RPTN: variants seen among roughly 807,000 people sequenced by gnomAD.
The protein encoded by RPTN is repetin, also known as intermediate filament-associated protein.
A neutral mutation model predicts 3.6 loss-of-function variants in RPTN; 4 were observed. The ratio of observed to expected loss-of-function variants is 1.12; its 90% CI spans 0.55 to 2.55. RPTN has a LOEUF of 2.55. Among genes scored for constraint, RPTN ranks in the 30% most tolerant of loss-of-function variants. The probability of loss-of-function intolerance (pLI) is 0.02; values close to 1 mark genes in which losing one functional copy is unlikely to be tolerated. For synonymous variants in RPTN, 293 were observed against 319.3 expected (o/e 0.92, Z 0.88); for missense variants, 860 against 916.7 (o/e 0.94, Z 0.80).
In RPTN at chr1:152,156,050, C is replaced by A. The variant is rs1489308575; in HGVS notation, c.1049G>T (p.Gly350Val). 6.2e-7 allele frequency: 1 copy of A among 1,612,580 alleles called. No individual in the cohort carries two copies. The highest frequency in any genetic ancestry group is 1.7e-5 in the Admixed American group (1 of 59,862). Residue 350 changes from glycine (G) to valine (V), a missense_variant, in exon 3 of 3, where the codon GGC (glycine) becomes GTC (valine). Transcript: ENST00000316073. ...TGTCTGATCATAATGATAACACTGG[C>A]CTTTTCTGTCCATTTGACCATAGTG... ...SSHYGQMDRK[G>V]QCYHYDQTNR...
chr1:152,156,674 C>A lies in RPTN; in HGVS notation c.425G>T (p.Gly142Val), dbSNP rs748159708. 2 of 1,595,838 alleles carry A rather than the reference C, an allele frequency of 1.3e-6. No homozygotes were observed. Among genetic ancestry groups the A allele is most frequent in the East Asian group, 4.6e-5 (2 of 43,868 alleles). The change falls in exon 3 of 3, where the codon GGA (glycine) becomes GTA (valine). Residue 142 changes from glycine (G) to valine (V), a missense_variant. Transcript: ENST00000316073. ...CTCAGGCTGACCATGGTGGGAATCT[C>A]CGTCTTGTCTCTCAGGCTGACTGTG... ...SHHSQPERQD[G>V]DSHHGQPERQ... is the part of the protein sequence containing the mutation.
intron 1 of RPTN, 149 bp from the exon 2 acceptor site, chr1:152,158,058 A>T: frequency 1.6e-6 from 1 of 618,310 alleles, no homozygotes; most frequent in Non-Finnish European, 2.8e-6. Context: ...GCCCTGACTC[A>T]CAGTCGGGGA....
Position 152,155,691 on chromosome 1 carries a change from C to T in RPTN, c.1408G>A (p.Gly470Ser). The T allele has an allele frequency of 3.7e-6, 6 of 1,613,216 alleles. No individual in the cohort carries two copies. The highest frequency in any genetic ancestry group is 5.1e-6 in the Non-Finnish European group (6 of 1,179,616). ...SSHYGQTDRQ[G>S]QSSHYSQPDK... ...GGCTGACTGTAGTGGGAACTCTGGC[C>T]TTGTCTGTCTGTCTGACCATAGTGG... is the stretch of plus-strand genomic sequence containing the variant. The change falls in exon 3 of 3, where the codon GGC (glycine) becomes AGC (serine). Residue 470 changes from glycine to serine, a missense_variant. Physicochemically the swap from Gly to Ser is moderately conservative, Grantham distance 56. Coordinates refer to ENST00000316073, the MANE Select transcript of RPTN (RefSeq NM_001122965.1).
In RPTN at chr1:152,157,751, C is replaced by G; in HGVS notation, c.138+1G>C. The G allele has an allele frequency of 6.2e-7, 1 of 1,613,804 alleles. No individual in the cohort carries two copies. On this transcript the variant is annotated splice_donor_variant, in intron 2 of 2. Coordinates refer to ENST00000316073, the MANE Select transcript of RPTN (RefSeq NM_001122965.1). LOFTEE classifies it high-confidence loss of function. ...TGGGGCTGTGTGTCTGTGTATCTTA[C>G]CTGGAGGATGTCTCCAAACTCAGCC...
Position 152,156,907 on chromosome 1 carries a change from G to C in RPTN, c.192C>G (p.Asp64Glu). The C allele has an allele frequency of 6.2e-7, 1 of 1,614,166 alleles. No homozygotes were observed. The highest frequency in any genetic ancestry group is 8.5e-7 in the Non-Finnish European group (1 of 1,180,016). ...CATGAAAATCAATATGTCCATCTCG[G>C]TCTTGATCTAAGAGGTTCAAGATGG... ...VETILNLLDQ[D>E]RDGHIDFHEY... The change falls in exon 3 of 3, where the codon GAC (aspartate) becomes GAG (glutamate). Residue 64 changes from aspartate (D) to glutamate (E), a missense_variant. Coordinates refer to ENST00000316073, the MANE Select transcript of RPTN (RefSeq NM_001122965.1).
chr1:152,153,630 C>G lies in RPTN; in HGVS notation c.*1114G>C, dbSNP rs890782310. ...CAATTATTTATTAGATATTTTAATA[C>G]AATTCATAATCTGCACATAGATTTT... On this transcript the variant is annotated 3_prime_UTR_variant, in exon 3 of 3. Transcript: ENST00000316073. 2 of 152,218 alleles carry G rather than the reference C, an allele frequency of 1.3e-5. No individual in the cohort carries two copies. The highest frequency in any genetic ancestry group is 2.4e-5 in the African/African-American group (1 of 41,428). The allele number at this position is 152,218 out of a possible 1,614,324, so 9.4% of individuals were successfully genotyped here.
Position 152,155,168 on chromosome 1 carries a change from T to C in RPTN, c.1931A>G (p.Asn644Ser). The change falls in exon 3 of 3, where the codon AAC becomes AGC. Residue 644 changes from asparagine (N) to serine (S), a missense_variant. Coordinates refer to ENST00000316073, the MANE Select transcript of RPTN (RefSeq NM_001122965.1). ...TTCAGGCTCCCATACCTGGTGGCCG[T>C]TCTGCTGTGAGTCCCTAGACTGGAA... ...QGFQSRDSQQ[N>S]GHQVWEPEED... The C allele has an allele frequency of 1.2e-6, 2 of 1,614,204 alleles. No individual in the cohort carries two copies. The highest frequency in any genetic ancestry group is 1.7e-6 in the Non-Finnish European group (2 of 1,180,020).
Position 152,155,515 on chromosome 1 carries a change from T to A in RPTN, c.1584A>T (p.Arg528Ser). 6.2e-7 allele frequency: 1 copy of A among 1,609,008 alleles called. No homozygotes were observed. The highest frequency in any genetic ancestry group is 8.5e-7 in the Non-Finnish European group (1 of 1,177,722). The part of the protein sequence containing the change: ...GQSFHYGQPD[R>S]QGQSSHYSQM... ...GACTGTAGTGGGAACTCTGGCCTTGTCTGTCTGGCTGACCATAGTGGAAAC... is the reference window on the plus strand; with the variant it reads ...GACTGTAGTGGGAACTCTGGCCTTGACTGTCTGGCTGACCATAGTGGAAAC... Residue 528 changes from arginine (R) to serine (S), a missense_variant, in exon 3 of 3, where the codon AGA becomes AGT. Arg to Ser is a moderately radical substitution (Grantham distance 110). Transcript: ENST00000316073.
At position 152,157,757 on chromosome 1, in the gene RPTN, G is replaced by T; in HGVS notation, c.133C>A (p.Leu45Ile). ...TGTGTGTCTGTGTATCTTACCTGGA[G>T]GATGTCTCCAAACTCAGCCAAGAGC... Reference protein sequence around the residue: ...QLLLAEFGDILQRPNDPETVE... With the variant: ...QLLLAEFGDIIQRPNDPETVE... The change falls in exon 2 of 3, where the codon CTC becomes ATC. Residue 45 changes from leucine (L) to isoleucine (I), a missense_variant. By Grantham distance (5) the Leu-to-Ile change is conservative. Transcript: ENST00000316073. The T allele has an allele frequency of 6.2e-7, 1 of 1,613,862 alleles. No individual in the cohort carries two copies. The highest frequency in any genetic ancestry group is 1.3e-5 in the African/African-American group (1 of 74,988).
rs898040264 is a variant in RPTN at position 152,156,430 on chromosome 1, T to C, written c.669A>G (p.Gly223=). ...KSTSGQAKWQ[G]HIFALNRCEK... is the part of the protein sequence containing the mutation. ...CACACCGATTTAAGGCAAAGATATG[T>C]CCCTGCCATTTAGCCTGGCCACTGG... Residue 223 remains glycine, a synonymous_variant, in exon 3 of 3, where the codon GGA becomes GGG. Coordinates refer to ENST00000316073, the MANE Select transcript of RPTN (RefSeq NM_001122965.1). The C allele has an allele frequency of 2.5e-6, 4 of 1,614,254 alleles. No individual in the cohort carries two copies. In the Admixed American group the frequency reaches 6.7e-5, roughly 27 times the overall value.
rs143885075 is a variant in RPTN at position 152,155,293 on chromosome 1, T to G, written c.1806A>C (p.Glu602Asp). Residue 602 changes from glutamate (E) to aspartate (D), a missense_variant, in exon 3 of 3, where the codon GAA (glutamate) becomes GAC (aspartate). Transcript: ENST00000316073. ...CAACATAAGAGGCTTTTCTTGTTCC[T>G]TCAGTCCCTTGGAAGTACTTATTTT... is the stretch of plus-strand genomic sequence containing the variant. ...QGQNKYFQGT[E>D]GTRKASYVEQ... 1.7e-5 allele frequency: 27 copies of G among 1,614,246 alleles called. No homozygotes were observed. Among genetic ancestry groups the G allele is most frequent in the Middle Eastern group, 1.6e-4 (1 of 6,062 alleles).
At position 152,154,814 on chromosome 1, in the gene RPTN, T is replaced by C. The variant is rs750488079; in HGVS notation, c.2285A>G (p.His762Arg). Reference sequence around the variant, plus strand: ...TCTCTGACGGTTCTGCTTGTCTTCATGGGTTTGCCTGTCTCGTCTCTGATG... The same window carrying C: ...TCTCTGACGGTTCTGCTTGTCTTCACGGGTTTGCCTGTCTCGTCTCTGATG... ...QSHQRRDRQT[H>R]EDKQNRQRRD... Residue 762 changes from histidine to arginine, a missense_variant, in exon 3 of 3, where the codon CAT (histidine) becomes CGT (arginine). Physicochemically the swap from His to Arg is conservative, Grantham distance 29 (BLOSUM62 0). Transcript: ENST00000316073. 3.7e-6 allele frequency: 6 copies of C among 1,614,094 alleles called. No individual in the cohort carries two copies. Among genetic ancestry groups the C allele is most frequent in the Non-Finnish European group, 5.1e-6 (6 of 1,180,026 alleles).
Position 152,155,406 on chromosome 1 carries a change from G to A in RPTN, c.1693C>T (p.Gln565Ter), listed in dbSNP as rs775343247. The part of the protein sequence containing the change: ...QSSHYGQTDR[Q>*]GQSYHYGQTD... Reference sequence around the variant, plus strand: ...TGACCATAATGATAGCTCTGGCCTTGTCTGTCTGTCTGACCGTAGTGGGAA... The same window carrying A: ...TGACCATAATGATAGCTCTGGCCTTATCTGTCTGTCTGACCGTAGTGGGAA... Residue 565 changes from glutamine to a stop codon, truncating the protein, a stop_gained, in exon 3 of 3, where the codon CAA becomes TAA. Coordinates refer to ENST00000316073, the MANE Select transcript of RPTN (RefSeq NM_001122965.1). LOFTEE classifies it low-confidence loss of function (END_TRUNC). The A allele has an allele frequency of 1.9e-6, 3 of 1,613,874 alleles. No homozygotes were observed. In the African/African-American group the frequency reaches 4.0e-5, roughly 22 times the overall value.
intron 1 of RPTN, among the ~76,000 whole-genome samples, chr1:152,158,345 C>G (rs913457283): frequency 6.6e-6 from 1 of 152,264 alleles, no homozygotes; most frequent in Non-Finnish European, 1.5e-5. Flanking sequence ...TCCCACTGAA[C>G]AGGTTTCAGT....
In RPTN at chr1:152,157,866, T is replaced by C. The variant is rs765859254; in HGVS notation, c.24A>G (p.Ile8Met). MAQLLNS[I>M]LSVIDVFHKY... The stretch of plus-strand genomic sequence containing the variant: ...TGTGGAATACGTCAATCACACTGAG[T>C]ATGCTATTCAGGAGTTGAGCCATTT... The change falls in exon 2 of 3, where the codon ATA becomes ATG. Residue 8 changes from isoleucine (I) to methionine (M), a missense_variant. Coordinates refer to ENST00000316073, the MANE Select transcript of RPTN (RefSeq NM_001122965.1). 2.5e-6 allele frequency: 4 copies of C among 1,613,824 alleles called. No individual in the cohort carries two copies. In the South Asian group the frequency reaches 4.4e-5, roughly 18 times the overall value.
At position 152,155,231 on chromosome 1, in the gene RPTN, G is replaced by C; in HGVS notation, c.1868C>G (p.Thr623Ser). 1 of 1,614,234 alleles carries C rather than the reference G, an allele frequency of 6.2e-7. No individual in the cohort carries two copies. Residue 623 changes from threonine (T) to serine (S), a missense_variant, in exon 3 of 3, where the codon ACT becomes AGT. Transcript: ENST00000316073. ...GTTTTGGTACCCTTCCTGTCCTGGA[G>C]TCTGTTGACTTAGCCTCCCTGATCT... ...SGRSGRLSQQ[T>S]PGQEGYQNQG...
At position 152,155,012 on chromosome 1, in the gene RPTN, C is replaced by T. The variant is rs746531415; in HGVS notation, c.2087G>A (p.Ser696Asn). Residue 696 changes from serine (S) to asparagine (N), a missense_variant, in exon 3 of 3, where the codon AGT becomes AAT. By Grantham distance (46) the Ser-to-Asn change is conservative (BLOSUM62 1). Transcript: ENST00000316073. ...QGHRQAQTRQ[S>N]HGEGLSHWAE... ...CCAGTGGCTCAGCCCCTCACCATGA[C>T]TCTGCCTGGTCTGGGCCTGTCTGTG... 4.3e-6 allele frequency: 7 copies of T among 1,613,910 alleles called. No homozygotes were observed. The highest frequency in any genetic ancestry group is 3.4e-6 in the Non-Finnish European group (4 of 1,179,804).
intron 2 of RPTN, among the ~76,000 whole-genome samples, 176 bp downstream of exon 2, chr1:152,157,558 GGTGTGTGTGTGTGTGTGT>G (rs58634415): frequency 2.1e-5 from 3 of 139,554 alleles, no homozygotes; most frequent in African/African-American, 5.3e-5. Context: ...GATACAAGGA[GGTGTGTGTGTGTGTGTGT>G]GTGTGTGTGT....
rs1572172813 is a variant in RPTN at position 152,155,553 on chromosome 1, T to C, written c.1546A>G (p.Arg516Gly). Residue 516 changes from arginine to glycine, a missense_variant, in exon 3 of 3, where the codon AGA becomes GGA. Coordinates refer to ENST00000316073, the MANE Select transcript of RPTN (RefSeq NM_001122965.1). ...CCATAGTGGAAACTCTGGCCTTGTCTGTCTGTCTGACCATAGTGGGAACTT... is the reference window on the plus strand; with the variant it reads ...CCATAGTGGAAACTCTGGCCTTGTCCGTCTGTCTGACCATAGTGGGAACTT... ...GQSSHYGQTD[R>G]QGQSFHYGQP... is the part of the protein sequence containing the mutation. The C allele has an allele frequency of 6.2e-7, 1 of 1,604,552 alleles. No homozygotes were observed. Among genetic ancestry groups the C allele is most frequent in the Non-Finnish European group, 8.5e-7 (1 of 1,173,052 alleles).
Sources: gnomAD v4.1 joint callset for allele counts (sites outside exome capture counted in the v4.1 genomes callset) on GRCh38, gnomAD v4.1.1 for gene constraint, MANE v1.5 for transcripts, NCBI Gene and HGNC (gene_info 2026-07-23, HGNC 2026-07-21) for gene names.